RAP1GAP: variants seen among roughly 807,000 people sequenced by gnomAD.
RAP1GAP encodes the protein RAP1 GTPase activating protein, also known as rap1 GTPase-activating protein 1.
A neutral mutation model predicts 87.2 loss-of-function variants in RAP1GAP; 35 were observed. That is an observed-to-expected ratio of 0.40 (90% CI 0.31 to 0.53). The LOEUF (loss-of-function observed/expected upper bound fraction) is 0.53. Ranked by LOEUF, RAP1GAP falls within the 20% of genes least tolerant of loss-of-function variation. The pLI is 0.48. For missense variants in RAP1GAP, 734 were observed against 898.9 expected, an observed-to-expected ratio of 0.82 and a Z score of 2.35; for synonymous variants, 375 against 363.9, an observed-to-expected ratio of 1.03 and a Z score of -0.35.
chr1:21,604,384 A>C (rs114711057), intron 18 of RAP1GAP, among the ~76,000 whole-genome samples: 2,568 of 152,176 alleles, frequency 0.017, 39 homozygotes, highest in Middle Eastern at 0.027. Flanking sequence ...ACAGAGAGCC[A>C]AAGGGCAGAG....
In RAP1GAP at chr1:21,615,739, C is replaced by T. The variant is rs985694361; in HGVS notation, c.291+1567G>A. The stretch of plus-strand genomic sequence containing the variant: ...GCACTTCTTCAGAGCCTGCTGCACT[C>T]GAGGTCCACTACCTTCATCTGTTCC... On this transcript the variant is annotated intron_variant, in intron 7 of 24. Coordinates refer to ENST00000374765, the MANE Select transcript of RAP1GAP (RefSeq NM_002885.4). The surrounding 1 kb of genome is among the most constrained non-coding windows in gnomAD (Gnocchi z 4.5). Among the ~76,000 whole-genome samples, 4 of 152,202 alleles carry T rather than the reference C, an allele frequency of 2.6e-5. No individual in the cohort carries two copies. Among genetic ancestry groups the T allele is most frequent in the African/African-American group, 9.6e-5 (4 of 41,460 alleles).
intron 1 of RAP1GAP, among the ~76,000 whole-genome samples, chr1:21,666,868 G>A (rs1001952313): frequency 2.0e-5 from 3 of 152,176 alleles, no homozygotes; most frequent in East Asian, 1.9e-4. Context: ...GACAGAAGAC[G>A]AGGGCTTCTG....
chr1:21,604,442 GGA>G (rs1054969148), intron 18 of RAP1GAP, among the ~76,000 whole-genome samples: 10 of 152,128 alleles, frequency 6.6e-5, no homozygotes, highest in African/African-American at 2.4e-4. Flanking sequence ...AAAAAAACAA[GGA>G]GAGAGAGTAG....
At chr1:21,629,540 C>G (rs963130192) in intron 2 of RAP1GAP, among the ~76,000 whole-genome samples, 1 of 152,154 alleles carries the variant, frequency 6.6e-6, no homozygotes, top group Admixed American at 6.5e-5. Flanking sequence ...AGTCCTGTCC[C>G]CCGAAGGCAA....
intron 2 of RAP1GAP, among the ~76,000 whole-genome samples, chr1:21,627,745 G>A (rs1300154638): frequency 6.6e-6 from 1 of 152,072 alleles, no homozygotes; most frequent in Admixed American, 6.6e-5. Flanking sequence ...ACTCAGCCCA[G>A]CTACTCCAGC....
intron 7 of RAP1GAP, among the ~76,000 whole-genome samples, chr1:21,614,747 C>T (rs573694575): frequency 3.3e-4 from 50 of 152,182 alleles, no homozygotes; most frequent in African/African-American, 1.2e-3. Context: ...CTGGCACCTC[C>T]GGGTGGGGAA....
At chr1:21,601,999 G>A (rs891901558) in intron 19 of RAP1GAP, among the ~76,000 whole-genome samples, 43 of 152,314 alleles carry the variant, frequency 2.8e-4, no homozygotes, top group Admixed American at 4.6e-4. Flanking sequence ...GGGCTATATG[G>A]GACAGGATGG....
intron 2 of RAP1GAP, among the ~76,000 whole-genome samples, chr1:21,628,608 T>C (rs2092987403): frequency 6.6e-6 from 1 of 152,004 alleles, no homozygotes; most frequent in Non-Finnish European, 1.5e-5. Context: ...TAGTCCCAGC[T>C]ACTTGGGAGG....
chr1:21,650,345 C>T (rs1373962251), intron 1 of RAP1GAP, among the ~76,000 whole-genome samples: 8 of 152,112 alleles, frequency 5.3e-5, no homozygotes, highest in South Asian at 4.1e-4. Flanking sequence ...CCCCAACACA[C>T]GTACCCTGCT....
chr1:21,653,586 TCCTTCCTC>T (rs772240503), intron 1 of RAP1GAP, among the ~76,000 whole-genome samples: 15,023 of 124,398 alleles, frequency 0.12, 861 homozygotes, highest in Non-Finnish European at 0.15. Flanking sequence ...CTTCCTTCCT[TCCTTCCTC>T]CCTCCCTCCC....
chr1:21,644,867 C>T (rs896738442), intron 2 of RAP1GAP, among the ~76,000 whole-genome samples: 1 of 147,742 alleles, frequency 6.8e-6, no homozygotes. Flanking sequence ...CGCCACTGCA[C>T]CCCAGCCTGG....
In RAP1GAP at chr1:21,622,328, C is replaced by T; in HGVS notation, c.-18-2278G>A. 2.0e-6 allele frequency: 1 copy of T among 504,800 alleles called. No individual in the cohort carries two copies. 31.3% of individuals were successfully genotyped at this position (504,800 alleles called of 1,614,324 possible). A position where few individuals can be genotyped will look rare whatever the true frequency, so the allele number is the denominator to read the frequency against. On this transcript the variant is annotated intron_variant, in intron 3 of 24. Transcript: ENST00000374765. The surrounding 1 kb of genome is among the most constrained non-coding windows in gnomAD (Gnocchi z 5.7). ...GGTCCCTCCGCCATGCCGCCCCGCC[C>T]GGGTCCTCACCTGCCAGCTGGCCCC...
At chr1:21,619,970 G>C (rs768980691) in intron 4 of RAP1GAP, 45 bp downstream of exon 4, 1 of 1,609,256 alleles carries the variant, frequency 6.2e-7, no homozygotes, top group East Asian at 2.2e-5. Flanking sequence ...CCCCAGCCCA[G>C]CCAGCTCTGT....
intron 10 of RAP1GAP, among the ~76,000 whole-genome samples, chr1:21,612,802 T>C (rs1353045463): frequency 6.6e-6 from 1 of 152,168 alleles, no homozygotes; most frequent in Non-Finnish European, 1.5e-5. Flanking sequence ...AGGGCTATTC[T>C]CTCTCTATAG....
Position 21,634,072 on chromosome 1 carries a change from G to C in RAP1GAP, c.-112-7675C>G, listed in dbSNP as rs867249559. 1.9e-3 allele frequency among the ~76,000 whole-genome samples: 246 copies of C among 126,836 alleles called. 1 individual carries two copies. Among genetic ancestry groups the C allele is most frequent in the African/African-American group, 6.5e-3 (215 of 32,842 alleles). The allele number at this position is 126,836 out of a possible 152,430, so 83.2% of individuals were successfully genotyped here. A position where few individuals can be genotyped will look rare whatever the true frequency, so the allele number is the denominator to read the frequency against. Reference sequence around the variant, plus strand: ...CTGCCCCCTCCCGGGGGGGGGGGGGGGCCACAGAAGCCCATTGTTTTCTGA... The same window carrying C: ...CTGCCCCCTCCCGGGGGGGGGGGGGCGCCACAGAAGCCCATTGTTTTCTGA... On this transcript the variant is annotated intron_variant, in intron 2 of 24. Transcript: ENST00000374765. The surrounding 1 kb of genome is among the most constrained non-coding windows in gnomAD (Gnocchi z 4.1).
intron 2 of RAP1GAP, among the ~76,000 whole-genome samples, chr1:21,646,742 C>T (rs1174788430): frequency 6.6e-6 from 1 of 152,146 alleles, no homozygotes; most frequent in Non-Finnish European, 1.5e-5. Context: ...TTTAAATGTC[C>T]AGCCCCCATT....
At chr1:21,619,821 G>A (rs772999386) in intron 4 of RAP1GAP, among the ~76,000 whole-genome samples, 194 bp downstream of exon 4, 90 of 152,060 alleles carry the variant, frequency 5.9e-4, no homozygotes, top group Admixed American at 2.0e-4. Flanking sequence ...GATGGACTCC[G>A]GCATCAGAGA....
At chr1:21,649,907 G>C in intron 1 of RAP1GAP, 111 bp from the exon 2 acceptor site, 1 of 1,165,824 alleles carries the variant, frequency 8.6e-7, no homozygotes, top group Non-Finnish European at 1.2e-6. Flanking sequence ...GGCTGGAGAA[G>C]GTCCTGTTTC....
chr1:21,602,707 G>T, intron 19 of RAP1GAP, 97 bp downstream of exon 19: 1 of 1,055,906 alleles, frequency 9.5e-7, no homozygotes, highest in Non-Finnish European at 1.4e-6. Flanking sequence ...GAGAGGCAGA[G>T]GGGCGGGCAC....
Sources: allele counts gnomAD v4.1 joint callset (sites outside exome capture counted in the v4.1 genomes callset), GRCh38; gene constraint gnomAD v4.1.1; non-coding constraint Gnocchi (gnomAD v3.1); transcripts MANE v1.5; gene names NCBI Gene and HGNC (gene_info 2026-07-23, HGNC 2026-07-21).